Variants in RPN2 observed in about 807,000 individuals in gnomAD.
RPN2 encodes the protein ribophorin II.
A neutral mutation model predicts 71.4 loss-of-function variants in RPN2; 29 were observed. The observed-to-expected ratio is 0.41, with a 90% CI of 0.30 to 0.55. RPN2 has a LOEUF of 0.55. Among genes scored for constraint, RPN2 ranks in the 20% least tolerant of loss-of-function variants. The probability of loss-of-function intolerance (pLI) is 0.35; values close to 1 mark genes in which losing one functional copy is unlikely to be tolerated. For missense variants in RPN2, 726 were observed against 774.1 expected (o/e 0.94, Z 0.74); for synonymous variants, 308 against 305.0 (o/e 1.01, Z -0.10).
chr20:37,195,610 A>G (rs2067238665), intron 2 of RPN2, among the ~76,000 whole-genome samples: 1 of 152,230 alleles, frequency 6.6e-6, no homozygotes, highest in Non-Finnish European at 1.5e-5. Context: ...ATGCACATAA[A>G]GCACTTAGAA....
intron 9 of RPN2, among the ~76,000 whole-genome samples, chr20:37,218,805 TTAACA>T (rs2067882429): frequency 1.3e-5 from 2 of 152,306 alleles, no homozygotes; most frequent in African/African-American, 4.8e-5. Context: ...GTTTTTTCAC[TTAACA>T]TAATACTTCT....
intron 9 of RPN2, among the ~76,000 whole-genome samples, chr20:37,217,938 G>A (rs1017163438): frequency 2.6e-5 from 4 of 151,760 alleles, no homozygotes; most frequent in Admixed American, 6.6e-5. Context: ...GTTTTGCCTT[G>A]TTGGCCAGGC....
At chr20:37,238,779 A>G (rs2068474356) in intron 16 of RPN2, 1 of 585,924 alleles carries the variant, frequency 1.7e-6, no homozygotes, top group Non-Finnish European at 3.3e-6. Context: ...TTTCCAGGAC[A>G]GCTGAGATGA....
chr20:37,193,712 A>T (rs558769706), intron 2 of RPN2, among the ~76,000 whole-genome samples: 8 of 152,158 alleles, frequency 5.3e-5, no homozygotes, highest in Non-Finnish European at 1.0e-4. Context: ...CCATTCCATG[A>T]GATAGCAACA....
chr20:37,216,827 G>C (rs576275268), intron 9 of RPN2, among the ~76,000 whole-genome samples: 10 of 152,158 alleles, frequency 6.6e-5, no homozygotes, highest in Non-Finnish European at 1.5e-4. Flanking sequence ...CGGTCTATCT[G>C]AAGTTCATTT....
intron 2 of RPN2, among the ~76,000 whole-genome samples, chr20:37,188,775 C>T (rs2067072295): frequency 6.6e-6 from 1 of 151,344 alleles, no homozygotes; most frequent in Non-Finnish European, 1.5e-5. Flanking sequence ...TGTCACCATG[C>T]CTAGCTAAAT....
Position 37,186,574 on chromosome 20 carries a change from A to G in RPN2, c.207+2201A>G, listed in dbSNP as rs568413758. Among the ~76,000 whole-genome samples the G allele has an allele frequency of 9.2e-5, 14 of 152,288 alleles. 1 individual carries two copies. Among genetic ancestry groups the G allele is most frequent in the Admixed American group, 7.8e-4 (12 of 15,300 alleles). On this transcript the variant is annotated intron_variant, in intron 2 of 16. Coordinates refer to ENST00000237530, the MANE Select transcript of RPN2 (RefSeq NM_002951.5). ...GCAATCCTCCTGCCACGGCCTCTCA[A>G]AGTGTTGGGATTACAGGCATGAGCC...
intron 1 of RPN2, among the ~76,000 whole-genome samples, chr20:37,183,318 C>T (rs1399121850): frequency 1.3e-5 from 2 of 151,856 alleles, no homozygotes; most frequent in Admixed American, 6.6e-5. Flanking sequence ...CAGGTTCAAG[C>T]GATTCTCCTG....
chr20:37,203,863 G>T, intron 4 of RPN2, 22 bp from the exon 5 acceptor site: 1 of 1,580,482 alleles, frequency 6.3e-7, no homozygotes, highest in Non-Finnish European at 8.7e-7. Flanking sequence ...CATTCATTGG[G>T]GTTCTACTCT....
At chr20:37,190,446 C>T (rs1469282203) in intron 2 of RPN2, among the ~76,000 whole-genome samples, 1 of 152,200 alleles carries the variant, frequency 6.6e-6, no homozygotes, top group Non-Finnish European at 1.5e-5. Context: ...GTCACCTGTG[C>T]AGCTTATTTA....
chr20:37,190,897 A>T (rs1171676880), intron 2 of RPN2, among the ~76,000 whole-genome samples: 1 of 152,180 alleles, frequency 6.6e-6, no homozygotes, highest in African/African-American at 2.4e-5. Context: ...TCCTCATTAG[A>T]TGTGCAAACT....
chr20:37,205,221 C>T (rs1029824523), intron 6 of RPN2, among the ~76,000 whole-genome samples: 2 of 151,846 alleles, frequency 1.3e-5, no homozygotes, highest in Non-Finnish European at 2.9e-5. Context: ...TTCTGCTTGT[C>T]GCCTGAATGC....
intron 10 of RPN2, among the ~76,000 whole-genome samples, chr20:37,224,335 G>T (rs1247730317): frequency 6.6e-6 from 1 of 152,134 alleles, no homozygotes; most frequent in African/African-American, 2.4e-5. Context: ...AGGAAGCAAG[G>T]TATTAATTTA....
At chr20:37,215,323 AG>A (rs2067781081) in intron 9 of RPN2, among the ~76,000 whole-genome samples, 1 of 152,214 alleles carries the variant, frequency 6.6e-6, no homozygotes, top group South Asian at 2.1e-4. Flanking sequence ...TTTGGCAGAA[AG>A]GAAGATGTTT....
At chr20:37,202,715 A>G (rs1250213204) in intron 4 of RPN2, among the ~76,000 whole-genome samples, 3 of 152,248 alleles carry the variant, frequency 2.0e-5, no homozygotes, top group African/African-American at 4.8e-5. Context: ...TGAATAAGCC[A>G]TAAAAAAGAA....
chr20:37,204,973 ATCAGAGAGGAATGT>A (rs1379513472), intron 6 of RPN2, 72 bp downstream of exon 6: 1 of 1,606,198 alleles, frequency 6.2e-7, no homozygotes, highest in Non-Finnish European at 8.5e-7. Flanking sequence ...GATGGCTTTT[ATCAGAGAGGAATGT>A]TCAGACAGTA....
chr20:37,196,012 C>T (rs991761304), intron 2 of RPN2, among the ~76,000 whole-genome samples: 7 of 151,564 alleles, frequency 4.6e-5, no homozygotes, highest in African/African-American at 7.3e-5. Context: ...TGAAAGGCAG[C>T]GTGCTGCCCT....
At chr20:37,215,536 C>CT (rs994045370) in intron 9 of RPN2, among the ~76,000 whole-genome samples, 2 of 149,992 alleles carry the variant, frequency 1.3e-5, no homozygotes, top group Non-Finnish European at 1.5e-5. Flanking sequence ...TTTTTCTTTT[C>CT]TTTTTTTTTC....
chr20:37,192,855 G>T (rs768425760), intron 2 of RPN2, among the ~76,000 whole-genome samples: 5 of 152,150 alleles, frequency 3.3e-5, no homozygotes, highest in African/African-American at 1.2e-4. Context: ...GGCTGAGTGT[G>T]TTGGCTCACA....
Sources: gnomAD v4.1 joint callset for allele counts (sites outside exome capture counted in the v4.1 genomes callset) on GRCh38, gnomAD v4.1.1 for gene constraint, MANE v1.5 for transcripts, NCBI Gene and HGNC (gene_info 2026-07-23, HGNC 2026-07-21) for gene names.